ROBO1: variants seen among roughly 807,000 people sequenced by gnomAD.
ROBO1 encodes roundabout guidance receptor 1, also known as roundabout homolog 1.
ROBO1 carries 149 observed loss-of-function variants against 195.9 expected under a neutral mutation model. That is an observed-to-expected ratio of 0.76 (90% CI 0.67 to 0.87). The LOEUF is 0.87. Ranked by LOEUF, ROBO1 falls within the 40% of genes least tolerant of loss-of-function variation. The pLI is 0.00. For synonymous variants in ROBO1, 816 were observed against 733.2 expected (o/e 1.11, Z -1.82); for missense variants, 1,933 against 2,068.3 (o/e 0.93, Z 1.27).
At chr3:78,985,064 A>AG (rs2077075237) in intron 3 of ROBO1, among the ~76,000 whole-genome samples, 1 of 152,182 alleles carries the variant, frequency 6.6e-6, no homozygotes, top group Non-Finnish European at 1.5e-5. Context: ...CTGTAATCCC[A>AG]GCACTTTGGG....
chr3:78,918,448 A>G lies in ROBO1; in HGVS notation c.499+20153T>C, dbSNP rs183090606. On this transcript the variant is annotated intron_variant, in intron 4 of 30. Coordinates refer to ENST00000464233, the MANE Select transcript of ROBO1 (RefSeq NM_002941.4). ...AGGAAAGATTCTAACATGGTATGGT[A>G]ACTTTTGTTCAATTCAGAGAACTAA... 6.1e-4 allele frequency among the ~76,000 whole-genome samples: 93 copies of G among 152,262 alleles called. No individual in the cohort carries two copies. In the East Asian group the frequency reaches 0.013, roughly 21 times the overall value.
In ROBO1 at chr3:78,746,730, A is replaced by T; in HGVS notation, c.657+13T>A. On this transcript the variant is annotated intron_variant, in intron 5 of 30. Transcript: ENST00000464233. ...ACCAACAAATGTCCTCTGCTGTTGA[A>T]TTAAATACTCACAGTTATTCTTTCA... 6.8e-7 allele frequency: 1 copy of T among 1,468,338 alleles called. No homozygotes were observed. The highest frequency in any genetic ancestry group is 9.1e-7 in the Non-Finnish European group (1 of 1,093,266). 91.0% of individuals were successfully genotyped at this position (1,468,338 alleles called of 1,614,324 possible). A position where few individuals can be genotyped will look rare whatever the true frequency, so the allele number is the denominator to read the frequency against.
rs1290147404 is a variant in ROBO1 at position 79,046,087 on chromosome 3, T to TA, written c.172+79368dup. ...TAGACTTGTGTATAACAGAATAGAG[T>TA]AAAAGGAATGGGATACTGCTTTTGA... On this transcript the variant is annotated intron_variant, in intron 3 of 30. Coordinates refer to ENST00000464233, the MANE Select transcript of ROBO1 (RefSeq NM_002941.4). Among the ~76,000 whole-genome samples the TA allele has an allele frequency of 1.1e-4, 16 of 152,118 alleles. No individual in the cohort carries two copies. In the East Asian group the frequency reaches 3.1e-3, roughly 30 times the overall value.
intron 1 of ROBO1, among the ~76,000 whole-genome samples, chr3:79,620,613 T>C (rs187975920): frequency 1.8e-4 from 27 of 152,166 alleles, no homozygotes; most frequent in Admixed American, 3.9e-4. Context: ...AGACTATTCC[T>C]GGGCTACAGC....
intron 4 of ROBO1, among the ~76,000 whole-genome samples, chr3:78,760,024 T>C (rs1290518841): frequency 6.6e-6 from 1 of 152,068 alleles, no homozygotes; most frequent in Non-Finnish European, 1.5e-5. Context: ...TGGGAGATAA[T>C]TGAATTATGG....
chr3:79,368,305 TCCTAGAGAC>T (rs1301166933), intron 2 of ROBO1, among the ~76,000 whole-genome samples: 1 of 152,006 alleles, frequency 6.6e-6, no homozygotes, highest in Non-Finnish European at 1.5e-5. Flanking sequence ...CATGCTAGAG[TCCTAGAGAC>T]CCTTTGTTTA....
At chr3:79,511,252 G>T (rs146570335) in intron 2 of ROBO1, among the ~76,000 whole-genome samples, 1,595 of 152,078 alleles carry the variant, frequency 0.01, 23 homozygotes, top group Middle Eastern at 0.041. Flanking sequence ...TAGAAATAAT[G>T]GACAATTAAA....
chr3:79,063,521 A>G (rs2078955928), intron 3 of ROBO1, among the ~76,000 whole-genome samples: 1 of 151,336 alleles, frequency 6.6e-6, no homozygotes. Flanking sequence ...AAAAAAAAAA[A>G]AAAAAATGGA....
chr3:79,100,030 A>G (rs1386799926), intron 3 of ROBO1, among the ~76,000 whole-genome samples: 4 of 151,792 alleles, frequency 2.6e-5, no homozygotes, highest in Admixed American at 1.3e-4. Flanking sequence ...AAGAAATACC[A>G]TGAAATTTAA....
intron 2 of ROBO1, among the ~76,000 whole-genome samples, chr3:79,385,936 T>A (rs2036726578): frequency 6.6e-6 from 1 of 152,206 alleles, no homozygotes; most frequent in Admixed American, 6.5e-5. Context: ...TATATTATTT[T>A]CTCTTGAAAA....
intron 3 of ROBO1, among the ~76,000 whole-genome samples, chr3:79,065,075 A>G (rs1330135826): frequency 1.3e-5 from 2 of 151,938 alleles, no homozygotes; most frequent in Non-Finnish European, 2.9e-5. Context: ...CTCCAAATTA[A>G]AAGCTGCTTT....
intron 2 of ROBO1, among the ~76,000 whole-genome samples, chr3:79,143,659 T>G (rs1395139136): frequency 6.6e-6 from 1 of 152,118 alleles, no homozygotes; most frequent in Admixed American, 6.6e-5. Context: ...AATTTTGAGA[T>G]AATAGCAGGT....
At chr3:79,384,685 A>G (rs895465329) in intron 2 of ROBO1, among the ~76,000 whole-genome samples, 3 of 152,040 alleles carry the variant, frequency 2.0e-5, no homozygotes, top group African/African-American at 7.2e-5. Flanking sequence ...TTAAATTATG[A>G]TAAGTCCTAG....
chr3:79,760,625 A>C (rs1432650562), intron 1 of ROBO1, among the ~76,000 whole-genome samples: 2 of 150,566 alleles, frequency 1.3e-5, no homozygotes, highest in Admixed American at 1.3e-4. Context: ...AAAAAAAAAA[A>C]CCTGAATGTT....
At chr3:79,620,980 C>T (rs1321607864) in intron 1 of ROBO1, among the ~76,000 whole-genome samples, 2 of 152,072 alleles carry the variant, frequency 1.3e-5, no homozygotes. Context: ...CTTGCCTATC[C>T]ACCCCATGGT....
At chr3:79,753,021 T>C (rs931632492) in intron 1 of ROBO1, among the ~76,000 whole-genome samples, 3 of 152,060 alleles carry the variant, frequency 2.0e-5, no homozygotes, top group East Asian at 1.9e-4. Context: ...ATTAGTTCAT[T>C]TGGGTGGGAA....
At chr3:79,213,788 T>C (rs1283537536) in intron 2 of ROBO1, among the ~76,000 whole-genome samples, 4 of 150,730 alleles carry the variant, frequency 2.7e-5, no homozygotes, top group Admixed American at 6.7e-5. Flanking sequence ...AAAAATCCAG[T>C]AAGAAGAGAG....
chr3:78,966,766 C>A (rs747760449), intron 3 of ROBO1, among the ~76,000 whole-genome samples: 1 of 152,224 alleles, frequency 6.6e-6, no homozygotes, highest in Non-Finnish European at 1.5e-5. Flanking sequence ...ATTTTAAATA[C>A]CACTAAGTAT....
chr3:78,936,728 T>C (rs559544452), intron 4 of ROBO1, among the ~76,000 whole-genome samples: 3 of 152,214 alleles, frequency 2.0e-5, no homozygotes, highest in South Asian at 2.1e-4. Context: ...TGAGCATTCA[T>C]GGGTATTTGT....
Sources: allele counts gnomAD v4.1 joint callset (sites outside exome capture counted in the v4.1 genomes callset), GRCh38; gene constraint gnomAD v4.1.1; transcripts MANE v1.5; gene names NCBI Gene and HGNC (gene_info 2026-07-23, HGNC 2026-07-21).